FBXL2: variants seen among roughly 807,000 people sequenced by gnomAD.
The protein encoded by FBXL2 is F-box/LRR-repeat protein 2.
FBXL2 carries 38 observed loss-of-function variants against 69.2 expected under a neutral mutation model. The ratio of observed to expected loss-of-function variants is 0.55; its 90% confidence interval spans 0.42 to 0.72. FBXL2 has a LOEUF of 0.72. Among genes scored for constraint, FBXL2 ranks in the 30% least tolerant of loss-of-function variants. The probability of loss-of-function intolerance (pLI) is 0.00; values close to 1 mark genes in which losing one functional copy is unlikely to be tolerated. For missense variants in FBXL2, 354 were observed against 520.3 expected, an observed-to-expected ratio of 0.68 and a Z score of 3.11; for synonymous variants, 192 against 201.3, an observed-to-expected ratio of 0.95 and a Z score of 0.39.
rs193178608 is a variant in FBXL2, at chr3:33,300,945, C to T, written c.65+3220C>T. Among the ~76,000 whole-genome samples the T allele has an allele frequency of 5.9e-3, 900 of 151,978 alleles. 10 individuals carry two copies. The highest frequency in any genetic ancestry group is 0.037 in the Middle Eastern group (11 of 294). Reference sequence around the variant, plus strand: ...GTCTCGATCTCCTGACCTTGTGATCCGCCCGCCTTGGCCTCCCAAAGTGCT... The same window carrying T: ...GTCTCGATCTCCTGACCTTGTGATCTGCCCGCCTTGGCCTCCCAAAGTGCT... On this transcript the variant is annotated intron_variant, in intron 2 of 14. Coordinates refer to ENST00000484457, the MANE Select transcript of FBXL2 (RefSeq NM_012157.5).
chr3:33,282,550 A>G (rs1026686207), intron 1 of FBXL2, among the ~76,000 whole-genome samples: 111 of 152,146 alleles, frequency 7.3e-4, no homozygotes, highest in African/African-American at 2.6e-3. Context: ...GGTTCCATAT[A>G]AACTTTAAAG....
Position 33,372,935 on chromosome 3 carries a change from TATC to T in FBXL2, c.291-152_291-150del, listed in dbSNP as rs2042385752. On this transcript the variant is annotated intron_variant, in intron 5 of 14. Coordinates refer to ENST00000484457, the MANE Select transcript of FBXL2 (RefSeq NM_012157.5). ...AGACTGTCGAGCCCCATTCTAGATC[TATC>T]ATCAGAATCTGCACTGTGACAAGAA... 5 of 683,754 alleles carry T rather than the reference TATC, an allele frequency of 7.3e-6. No individual in the cohort carries two copies. The East Asian group carries it at 1.3e-4, about 18-fold the overall frequency. The allele number at this position is 683,754 out of a possible 1,614,324, so 42.4% of individuals were successfully genotyped here.
chr3:33,299,101 G>C (rs1350015188), intron 2 of FBXL2, among the ~76,000 whole-genome samples: 1 of 150,648 alleles, frequency 6.6e-6, no homozygotes, highest in Non-Finnish European at 1.5e-5. Flanking sequence ...GAGTGCAATG[G>C]CATGATCTCG....
intron 1 of FBXL2, among the ~76,000 whole-genome samples, chr3:33,279,737 T>C (rs1022582961): frequency 1.3e-5 from 2 of 152,182 alleles, no homozygotes; most frequent in East Asian, 1.9e-4. Context: ...ACAACTAATA[T>C]TTATTGTGTA....
At chr3:33,344,120 G>GA in intron 2 of FBXL2, among the ~76,000 whole-genome samples, 1 of 150,416 alleles carries the variant, frequency 6.6e-6, no homozygotes, top group East Asian at 2.0e-4. Context: ...CAAAAAAAAA[G>GA]AAAAAAAGCT....
At chr3:33,296,476 T>G (rs2035761751) in intron 1 of FBXL2, among the ~76,000 whole-genome samples, 1 of 152,218 alleles carries the variant, frequency 6.6e-6, no homozygotes, top group Non-Finnish European at 1.5e-5. Flanking sequence ...AGATTTATGC[T>G]TATGTTTTCT....
At chr3:33,408,285 A>T (rs1332708984), downstream of FBXL2, among the ~76,000 whole-genome samples, 1 of 152,242 alleles carries the variant, frequency 6.6e-6, no homozygotes, top group Non-Finnish European at 1.5e-5. Context: ...CACATGAGAA[A>T]GCAAGACCCT....
intron 2 of FBXL2, among the ~76,000 whole-genome samples, chr3:33,346,588 G>A (rs892813198): frequency 1.3e-5 from 2 of 151,832 alleles, no homozygotes; most frequent in African/African-American, 4.8e-5. Context: ...AAATAAATAA[G>A]CTTTAAAAAA....
chr3:33,397,116 C>A, intron 12 of FBXL2: 1 of 1,597,382 alleles, frequency 6.3e-7, no homozygotes, highest in South Asian at 1.1e-5. Flanking sequence ...CCTCCTTTGT[C>A]AGTTTTAATA....
Position 33,323,554 on chromosome 3 carries a change from G to A in FBXL2, c.65+25829G>A, listed in dbSNP as rs2038415675. On this transcript the variant is annotated intron_variant, in intron 2 of 14. Transcript: ENST00000484457. ...AGCTCTCACTTACGAGTGAGAACAGGCGGTGTTTGGTTTTCTGTTCCTGTG... is the reference window on the plus strand; with the variant it reads ...AGCTCTCACTTACGAGTGAGAACAGACGGTGTTTGGTTTTCTGTTCCTGTG... Among the ~76,000 whole-genome samples, 3 of 152,074 alleles carry A rather than the reference G, an allele frequency of 2.0e-5. No individual in the cohort carries two copies. In the South Asian group the frequency reaches 6.2e-4, roughly 32 times the overall value.
At chr3:33,349,776 G>T (rs1368137659) in intron 2 of FBXL2, among the ~76,000 whole-genome samples, 1 of 152,052 alleles carries the variant, frequency 6.6e-6, no homozygotes, top group East Asian at 1.9e-4. Context: ...TTGATCTCAT[G>T]TTCACAAATT....
At chr3:33,282,664 T>C (rs2034160004) in intron 1 of FBXL2, among the ~76,000 whole-genome samples, 1 of 152,224 alleles carries the variant, frequency 6.6e-6, no homozygotes, top group South Asian at 2.1e-4. Context: ...CGATATTGAT[T>C]CTTCCTAGCC....
intron 9 of FBXL2, 120 bp downstream of exon 9, chr3:33,374,041 T>A: frequency 1.2e-6 from 1 of 827,752 alleles, no homozygotes; most frequent in Non-Finnish European, 2.0e-6. Flanking sequence ...ACACCCTGAT[T>A]TCCATCCTGT....
At chr3:33,390,623 C>G, downstream of FBXL2, 3 of 540,906 alleles carry the variant, frequency 5.5e-6, no homozygotes, top group Non-Finnish European at 1.0e-5. Context: ...TCTGCCAGTT[C>G]TGGGGGTAGG....
intron 2 of FBXL2, among the ~76,000 whole-genome samples, chr3:33,357,059 T>C (rs1034348046): frequency 6.6e-6 from 1 of 152,156 alleles, no homozygotes; most frequent in African/African-American, 2.4e-5. Context: ...AGTGTCCTTA[T>C]CTGTAAAATG....
chr3:33,354,070 G>A (rs1239408974), intron 2 of FBXL2, among the ~76,000 whole-genome samples: 2 of 152,040 alleles, frequency 1.3e-5, no homozygotes, highest in Non-Finnish European at 2.9e-5. Context: ...GTAAACTATA[G>A]ACCTTAGTTA....
At chr3:33,332,090 C>T (rs1223307404) in intron 2 of FBXL2, among the ~76,000 whole-genome samples, 1 of 151,614 alleles carries the variant, frequency 6.6e-6, no homozygotes, top group African/African-American at 2.4e-5. Flanking sequence ...AAAATAAATA[C>T]CTAAATTAAA....
intron 2 of FBXL2, among the ~76,000 whole-genome samples, chr3:33,351,424 C>CA: frequency 6.6e-6 from 1 of 151,958 alleles, no homozygotes; most frequent in Middle Eastern, 3.4e-3. Flanking sequence ...ACATTAGCAT[C>CA]AAAAAAATGA....
rs747070890 is a variant in FBXL2 at position 33,297,708 on chromosome 3, C to T, written c.48C>T (p.Pro16=). 3.2e-6 allele frequency: 5 copies of T among 1,574,210 alleles called. No individual in the cohort carries two copies. Among genetic ancestry groups the T allele is most frequent in the Non-Finnish European group, 3.5e-6 (4 of 1,154,082 alleles). ...NDEGLINKKL[P]KELLLRIFSF... The stretch of plus-strand genomic sequence containing the variant: ...AAGGCCTTATTAACAAAAAGTTACC[C>T]AAAGAACTTCTGTTAAGGTAAATGT... The change falls in exon 2 of 15, where the codon CCC becomes CCT. Residue 16 remains proline, a synonymous_variant. Coordinates refer to ENST00000484457, the MANE Select transcript of FBXL2 (RefSeq NM_012157.5).
Sources: allele counts gnomAD v4.1 joint callset (sites outside exome capture counted in the v4.1 genomes callset), GRCh38; gene constraint gnomAD v4.1.1; transcripts MANE v1.5; gene names NCBI Gene and HGNC (gene_info 2026-07-23, HGNC 2026-07-21).